ADCY9: variants seen among roughly 807,000 people sequenced by gnomAD.
ADCY9 encodes adenylate cyclase 9.
A neutral mutation model predicts 101.5 loss-of-function variants in ADCY9; 50 were observed. That is an observed-to-expected ratio of 0.49 (90% CI 0.39 to 0.62). The LOEUF is 0.62. Among genes scored for constraint, ADCY9 ranks in the 20% least tolerant of loss-of-function variants. The pLI is 0.00. For missense variants in ADCY9, 1,662 were observed against 1,800.4 expected (o/e 0.92, Z 1.39); for synonymous variants, 905 against 769.3 (o/e 1.18, Z -2.92).
At chr16:3,989,871 C>T (rs796066459) in intron 5 of ADCY9, among the ~76,000 whole-genome samples, 2 of 152,118 alleles carry the variant, frequency 1.3e-5, no homozygotes, top group Admixed American at 6.5e-5. Flanking sequence ...TAATTGCCAC[C>T]GTAAAAGCTA....
chr16:4,089,540 C>G (rs1056250915), intron 2 of ADCY9, among the ~76,000 whole-genome samples: 2 of 151,926 alleles, frequency 1.3e-5, no homozygotes, highest in Non-Finnish European at 2.9e-5. Context: ...TATGAACATT[C>G]CTATAAGTTT....
chr16:4,096,770 C>T (rs1013851433), intron 2 of ADCY9, among the ~76,000 whole-genome samples: 2 of 152,120 alleles, frequency 1.3e-5, no homozygotes, highest in African/African-American at 2.4e-5. Context: ...ATAAATCACA[C>T]GCATGTGGGG....
At chr16:4,096,512 C>A (rs903876686) in intron 2 of ADCY9, among the ~76,000 whole-genome samples, 1 of 152,162 alleles carries the variant, frequency 6.6e-6, no homozygotes, top group Non-Finnish European at 1.5e-5. Flanking sequence ...AGAAACCACC[C>A]TCACCACACC....
intron 2 of ADCY9, among the ~76,000 whole-genome samples, chr16:4,045,211 G>C (rs1199531874): frequency 6.6e-6 from 1 of 152,060 alleles, no homozygotes; most frequent in African/African-American, 2.4e-5. Context: ...TTGAGGGGAA[G>C]CTGAGGACAA....
At position 4,007,432 on chromosome 16, in the gene ADCY9, C is replaced by A; in HGVS notation, c.1820G>T (p.Gly607Val). ...SQVSSGPRGQ[G>V]TASSGNVSDL... is the part of the protein sequence containing the mutation. ...ACTGACATTCCCTGATGACGCTGTCCCCTGTCCCCTAGGGCCTGAGGACAC... is the reference window on the plus strand; with the variant it reads ...ACTGACATTCCCTGATGACGCTGTCACCTGTCCCCTAGGGCCTGAGGACAC... The change falls in exon 3 of 11, where the codon GGG (glycine) becomes GTG (valine). Residue 607 changes from glycine to valine, a missense_variant. Transcript: ENST00000294016. 6.2e-7 allele frequency: 1 copy of A among 1,613,906 alleles called. No homozygotes were observed. The highest frequency in any genetic ancestry group is 2.2e-5 in the East Asian group (1 of 44,868).
At chr16:3,974,623 A>T in intron 10 of ADCY9, 46 bp downstream of exon 10, 1 of 1,534,582 alleles carries the variant, frequency 6.5e-7, no homozygotes, top group Non-Finnish European at 9.0e-7. Context: ...AGGGTAATAC[A>T]GTCACTCTCG....
At chr16:3,974,298 C>T (rs1251600946) in intron 10 of ADCY9, among the ~76,000 whole-genome samples, 5 of 152,352 alleles carry the variant, frequency 3.3e-5, no homozygotes, top group Admixed American at 6.5e-5. Flanking sequence ...CCCGCCTCGG[C>T]CTCCCAAAAT....
rs2230742 is a variant in ADCY9 at position 3,966,675 on chromosome 16, A to G, written c.3162T>C (p.His1054=). ...LKVSQTYSKN[H]DSGGVIFASI... ...TGGCGAAGATCACCCCTCCGCTGTC[A>G]TGGTTCTTGGAGTAGGTCTGGGACA... The change falls in exon 11 of 11, where the codon CAT becomes CAC. Residue 1054 remains histidine (H), a synonymous_variant. Coordinates refer to ENST00000294016, the MANE Select transcript of ADCY9 (RefSeq NM_001116.4). 1,331,411 of 1,613,912 alleles carry G rather than the reference A, an allele frequency of 0.82. 553,370 individuals carry two copies. Among genetic ancestry groups the G allele is most frequent in the Admixed American group, 0.86 (51,822 of 59,990 alleles).
intron 2 of ADCY9, among the ~76,000 whole-genome samples, chr16:4,020,825 C>CAA (rs34374759): frequency 2.2e-3 from 306 of 138,474 alleles, no homozygotes; most frequent in East Asian, 8.2e-3. Flanking sequence ...GACTCCGTCT[C>CAA]AAAAAAAAAA....
chr16:4,053,355 C>T (rs892315126), intron 2 of ADCY9, among the ~76,000 whole-genome samples: 1 of 152,196 alleles, frequency 6.6e-6, no homozygotes, highest in African/African-American at 2.4e-5. Context: ...AGTTAAGTTA[C>T]CAGGTGCTTT....
At chr16:3,989,826 A>G (rs946711621) in intron 5 of ADCY9, among the ~76,000 whole-genome samples, 3 of 152,248 alleles carry the variant, frequency 2.0e-5, no homozygotes, top group Admixed American at 6.5e-5. Flanking sequence ...AACATAATTC[A>G]GAACCGGCGG....
intron 2 of ADCY9, among the ~76,000 whole-genome samples, chr16:4,070,307 A>G (rs2056826076): frequency 1.3e-5 from 2 of 152,228 alleles, no homozygotes; most frequent in Admixed American, 1.3e-4. Flanking sequence ...TGCAGCTAGT[A>G]ACTGGAAAAC....
intron 9 of ADCY9, among the ~76,000 whole-genome samples, chr16:3,977,091 C>G (rs186273383): frequency 6.6e-6 from 1 of 152,366 alleles, no homozygotes; most frequent in Admixed American, 6.5e-5. Context: ...CCAGCTTCCT[C>G]TCCACCTTCA....
chr16:3,990,231 C>T (rs749320200), intron 5 of ADCY9, among the ~76,000 whole-genome samples: 13 of 152,050 alleles, frequency 8.5e-5, no homozygotes, highest in Non-Finnish European at 1.3e-4. Flanking sequence ...TTTGGGAGGC[C>T]GAGGCAAGCG....
intron 3 of ADCY9, among the ~76,000 whole-genome samples, chr16:4,005,767 T>C (rs1345854169): frequency 1.3e-5 from 2 of 152,278 alleles, no homozygotes; most frequent in African/African-American, 4.8e-5. Context: ...AACACACATA[T>C]GTGGAAGCTA....
At chr16:3,993,194 G>C (rs1214992586) in intron 4 of ADCY9, among the ~76,000 whole-genome samples, 1 of 152,170 alleles carries the variant, frequency 6.6e-6, no homozygotes, top group Non-Finnish European at 1.5e-5. Flanking sequence ...GCCCAGCTCA[G>C]CCCCTGAGCG....
intron 3 of ADCY9, among the ~76,000 whole-genome samples, chr16:3,995,659 A>G (rs2056281553): frequency 6.6e-6 from 1 of 151,600 alleles, no homozygotes; most frequent in Non-Finnish European, 1.5e-5. Context: ...AGTGTAAAAC[A>G]TTGAAATAAA....
At chr16:3,968,283 C>T (rs1043926640) in intron 10 of ADCY9, among the ~76,000 whole-genome samples, 1 of 152,022 alleles carries the variant, frequency 6.6e-6, no homozygotes, top group African/African-American at 2.4e-5. Flanking sequence ...CAGACATGTG[C>T]CACCACACCC....
At chr16:4,088,533 G>T (rs1364739990) in intron 2 of ADCY9, among the ~76,000 whole-genome samples, 2 of 151,870 alleles carry the variant, frequency 1.3e-5, no homozygotes, top group African/African-American at 4.8e-5. Context: ...CAAGCGATCT[G>T]CCCACCTTGG....
Sources: gnomAD v4.1 joint callset for allele counts (sites outside exome capture counted in the v4.1 genomes callset) on GRCh38, gnomAD v4.1.1 for gene constraint, MANE v1.5 for transcripts, NCBI Gene and HGNC (gene_info 2026-07-23, HGNC 2026-07-21) for gene names.